The following TDO2 variants were observed in gnomAD, a reference collection of about 807,000 sequenced individuals.
TDO2 encodes tryptophan 2,3-dioxygenase.
A neutral mutation model predicts 61.2 loss-of-function variants in TDO2; 63 were observed. The ratio of observed to expected loss-of-function variants is 1.03; its 90% CI spans 0.84 to 1.27. The LOEUF is 1.27. TDO2 is among the 50% of genes most tolerant of loss of function. The pLI is 0.00. For missense variants in TDO2, 494 were observed against 469.5 expected (o/e 1.05, Z -0.48); for synonymous variants, 183 against 164.0 (o/e 1.12, Z -0.89).
intron 2 of TDO2, among the ~76,000 whole-genome samples, 195 bp from the exon 3 acceptor site, chr4:155,904,872 C>A (rs560059497): frequency 8.3e-4 from 126 of 152,184 alleles, no homozygotes; most frequent in African/African-American, 2.9e-3. Flanking sequence ...TAGAAATTTT[C>A]TGAGAAGAAT....
chr4:155,909,988 C>T, intron 5 of TDO2, 37 bp from the exon 6 acceptor site: 2 of 1,241,172 alleles, frequency 1.6e-6, no homozygotes, highest in South Asian at 3.8e-5. Context: ...CTCTCTTTCC[C>T]TTCCCTTGCC....
At chr4:155,917,576 C>T in intron 10 of TDO2, 102 bp downstream of exon 10, 1 of 960,728 alleles carries the variant, frequency 1.0e-6, no homozygotes, top group Non-Finnish European at 1.5e-6. Flanking sequence ...CTCTCTTTCC[C>T]CCTCCTTTGT....
chr4:155,904,089 G>A lies in TDO2; in HGVS notation c.107G>A (p.Ser36Asn). ...DKSQTGVNRA[S>N]KGGLIYGNYL... Reference sequence around the variant, plus strand: ...TCACAAACTGGTGTGAATAGAGCCAGCAAAGGAGGTCTTATCTATGGGAAC... The same window carrying A: ...TCACAAACTGGTGTGAATAGAGCCAACAAAGGAGGTCTTATCTATGGGAAC... The change falls in exon 2 of 12, where the codon AGC (serine) becomes AAC (asparagine). Residue 36 changes from serine to asparagine, a missense_variant. By Grantham distance (46) the Ser-to-Asn change is conservative. Coordinates refer to ENST00000536354, the MANE Select transcript of TDO2 (RefSeq NM_005651.4). The A allele has an allele frequency of 4.3e-6, 7 of 1,614,068 alleles. No individual in the cohort carries two copies. Among genetic ancestry groups the A allele is most frequent in the Non-Finnish European group, 5.9e-6 (7 of 1,179,984 alleles).
chr4:155,919,480 CTG>C (rs1382846817), intron 11 of TDO2, among the ~76,000 whole-genome samples: 1 of 152,102 alleles, frequency 6.6e-6, no homozygotes, highest in Non-Finnish European at 1.5e-5. Flanking sequence ...GCATCTAAGA[CTG>C]TTTGCTTTAA....
intron 11 of TDO2, 99 bp from the exon 12 acceptor site, chr4:155,919,738 A>G (rs1743009295): frequency 9.9e-7 from 1 of 1,014,822 alleles, no homozygotes; most frequent in Non-Finnish European, 1.4e-6. Flanking sequence ...AATATTGAAT[A>G]CTAACTATGG....
At position 155,907,663 on chromosome 4, in the gene TDO2, T is replaced by C. The variant is rs1191650800; in HGVS notation, c.233-59T>C. 9 of 1,110,398 alleles carry C rather than the reference T, an allele frequency of 8.1e-6. No individual in the cohort carries two copies. In the Admixed American group the frequency reaches 1.0e-4, roughly 13 times the overall value. 68.8% of individuals were successfully genotyped at this position (1,110,398 alleles called of 1,614,324 possible). On this transcript the variant is annotated intron_variant, in intron 3 of 11. Transcript: ENST00000536354. ...CAACATGTTAAACATATCTTTCATA[T>C]AATAATGGCCAAAAAGGCTCCCATA...
chr4:155,907,729 A>G lies in TDO2; in HGVS notation c.240A>G (p.Glu80=). The G allele has an allele frequency of 1.2e-6, 2 of 1,612,444 alleles. No homozygotes were observed. Among genetic ancestry groups the G allele is most frequent in the Non-Finnish European group, 8.5e-7 (1 of 1,179,262 alleles). ...ATGATTTCCTTATTACAGCTTATGA[A>G]CTCTGGTTTAAGCAAATCCTCTGGG... ...HLFIITHQAY[E]LWFKQILWEL... The change falls in exon 4 of 12, where the codon GAA becomes GAG. Residue 80 remains glutamate (E), a synonymous_variant. Transcript: ENST00000536354.
Position 155,917,382 on chromosome 4 carries a change from T to G in TDO2, c.897-13T>G. On this transcript the variant is annotated splice_polypyrimidine_tract_variant and intron_variant, in intron 9 of 11. Coordinates refer to ENST00000536354, the MANE Select transcript of TDO2 (RefSeq NM_005651.4). Reference sequence around the variant, plus strand: ...TTGAATATATTCTTCTTTTTCTTCTTTTTTTCCTTTAGGGAAGAGCCTAGG... The same window carrying G: ...TTGAATATATTCTTCTTTTTCTTCTGTTTTTCCTTTAGGGAAGAGCCTAGG... 1.2e-6 allele frequency: 2 copies of G among 1,600,676 alleles called. No individual in the cohort carries two copies. The highest frequency in any genetic ancestry group is 1.7e-6 in the Non-Finnish European group (2 of 1,174,470).
chr4:155,914,507 C>CTTGATAGTCT, intron 8 of TDO2, 73 bp downstream of exon 8: 3 of 995,768 alleles, frequency 3.0e-6, no homozygotes, highest in Non-Finnish European at 4.3e-6. Flanking sequence ...TTTTATAAGA[C>CTTGATAGTCT]TATCAAGCCT....
intron 9 of TDO2, 145 bp downstream of exon 9, chr4:155,916,057 A>G: frequency 1.5e-6 from 1 of 646,238 alleles, no homozygotes; most frequent in Non-Finnish European, 2.5e-6. Flanking sequence ...TTAGTAATGA[A>G]GTTTTATGCC....
intron 3 of TDO2, chr4:155,906,215 T>A (rs959540273): frequency 2.6e-5 from 4 of 152,130 alleles, no homozygotes; most frequent in Admixed American, 2.6e-4. Flanking sequence ...GCATCAAGCA[T>A]TTAGCCCGAG....
intron 9 of TDO2, 46 bp from the exon 10 acceptor site, chr4:155,917,349 C>T (rs370914744): frequency 5.3e-6 from 8 of 1,509,648 alleles, no homozygotes; most frequent in African/African-American, 2.8e-5. Flanking sequence ...CTAACACACT[C>T]GATTTACTTG....
At chr4:155,907,452 A>C in intron 3 of TDO2, 1 of 350,182 alleles carries the variant, frequency 2.9e-6, no homozygotes, top group Non-Finnish European at 5.1e-6. Context: ...AAAGACCTAA[A>C]AATGCATTTG....
intron 7 of TDO2, among the ~76,000 whole-genome samples, chr4:155,912,513 A>G (rs900712482): frequency 6.6e-6 from 1 of 152,092 alleles, no homozygotes; most frequent in Non-Finnish European, 1.5e-5. Flanking sequence ...TCTTTCTTGA[A>G]CATTCTTTTC....
intron 9 of TDO2, among the ~76,000 whole-genome samples, chr4:155,916,231 A>T (rs547528516): frequency 1.4e-5 from 2 of 140,380 alleles, no homozygotes; most frequent in Admixed American, 7.4e-5. Context: ...GCAGTGGTGC[A>T]ATCTCGGCTC....
At chr4:155,911,201 T>C (rs936358498) in intron 6 of TDO2, among the ~76,000 whole-genome samples, 3 of 151,978 alleles carry the variant, frequency 2.0e-5, no homozygotes, top group Non-Finnish European at 4.4e-5. Context: ...AGAACATATG[T>C]TTAAATATGT....
At chr4:155,911,051 G>C (rs1201388844) in intron 6 of TDO2, among the ~76,000 whole-genome samples, 1 of 152,028 alleles carries the variant, frequency 6.6e-6, no homozygotes, top group Non-Finnish European at 1.5e-5. Context: ...TAAGTATACA[G>C]TGCCCATGAA....
intron 8 of TDO2, among the ~76,000 whole-genome samples, chr4:155,915,347 C>T (rs778278596): frequency 6.6e-6 from 1 of 152,160 alleles, no homozygotes; most frequent in Admixed American, 6.5e-5. Flanking sequence ...AAAAACAAAT[C>T]TCAGTAAAGA....
chr4:155,917,027 G>A (rs1172080218), intron 9 of TDO2, among the ~76,000 whole-genome samples: 1 of 152,038 alleles, frequency 6.6e-6, no homozygotes, highest in Non-Finnish European at 1.5e-5. Flanking sequence ...GAAATAAAAA[G>A]TGGTTTTTCC....
Sources: gnomAD v4.1 joint callset for allele counts (sites outside exome capture counted in the v4.1 genomes callset) on GRCh38, gnomAD v4.1.1 for gene constraint, MANE v1.5 for transcripts, NCBI Gene and HGNC (gene_info 2026-07-23, HGNC 2026-07-21) for gene names.